Variants in MID1 observed in about 807,000 individuals in gnomAD.
The protein encoded by MID1 is E3 ubiquitin-protein ligase Midline-1.
MID1 carries 7 observed loss-of-function variants against 40.4 expected under a neutral mutation model. The ratio of observed to expected loss-of-function variants is 0.17; its 90% CI spans 0.10 to 0.33. The LOEUF (loss-of-function observed/expected upper bound fraction) is 0.33, where lower values mean the gene tolerates loss of function less well. Ranked by LOEUF, MID1 falls within the 10% of genes least tolerant of loss-of-function variation. The pLI is 1.00. For synonymous variants in MID1, 229 were observed against 221.2 expected (o/e 1.04, Z -0.31); for missense variants, 367 against 558.5 (o/e 0.66, Z 3.46).
At chrX:10,510,806 T>TA (rs1191757957) in intron 3 of MID1, among the ~76,000 whole-genome samples, 1 of 77,318 alleles carries the variant, frequency 1.3e-5, no homozygotes, top group Non-Finnish European at 2.3e-5. Context: ...CACTCCAGCC[T>TA]GGCAACAGAG....
At chrX:10,793,504 C>T (rs1173455054) in intron 1 of MID1, among the ~76,000 whole-genome samples, 2 of 112,126 alleles carry the variant, frequency 1.8e-5, no homozygotes, top group African/African-American at 6.5e-5. Context: ...TTCACAATGT[C>T]GCCATCCCGA....
chrX:10,555,257 C>A lies in MID1; in HGVS notation c.660+11631G>T, dbSNP rs181829543. On this transcript the variant is annotated intron_variant, in intron 2 of 9. Transcript: ENST00000317552. The stretch of plus-strand genomic sequence containing the variant: ...AGTCTTCATATTTTGCCCTTACTTG[C>A]AATTCCAAATGACTGAACAGTGGAA... 4.4e-3 allele frequency among the ~76,000 whole-genome samples: 490 copies of A among 112,127 alleles called. 2 individuals are homozygous for A. Among genetic ancestry groups the A allele is most frequent in the Non-Finnish European group, 7.0e-3 (373 of 53,266 alleles).
intron 2 of MID1, among the ~76,000 whole-genome samples, chrX:10,525,764 T>A (rs908743078): frequency 1.8e-5 from 2 of 112,266 alleles, no homozygotes; most frequent in African/African-American, 6.5e-5. Flanking sequence ...CTGGCTTCAA[T>A]TCCAGAGAAG....
chrX:10,466,016 G>A (rs1337765534), intron 7 of MID1, among the ~76,000 whole-genome samples: 2 of 111,901 alleles, frequency 1.8e-5, no homozygotes, highest in Non-Finnish European at 3.8e-5. Context: ...CCACTCTTTT[G>A]GTATAAAATG....
chrX:10,793,870 T>C (rs190573697), intron 1 of MID1, among the ~76,000 whole-genome samples: 73 of 111,914 alleles, frequency 6.5e-4, no homozygotes, highest in Middle Eastern at 9.2e-3. Context: ...ATTCACTCTA[T>C]TTTAATCCTT....
chrX:10,801,176 T>C (rs1427866479), intron 1 of MID1, among the ~76,000 whole-genome samples: 1 of 111,459 alleles, frequency 9.0e-6, no homozygotes, highest in East Asian at 2.8e-4. Flanking sequence ...CTTTAAAAAG[T>C]AGTCAAAGCT....
At chrX:10,495,933 A>C (rs1322484905) in intron 3 of MID1, among the ~76,000 whole-genome samples, 1 of 112,580 alleles carries the variant, frequency 8.9e-6, no homozygotes, top group Non-Finnish European at 1.9e-5. Context: ...ACTCAGCTGC[A>C]GAATCTTTAA....
intron 5 of MID1, among the ~76,000 whole-genome samples, chrX:10,479,576 C>T (rs1349527154): frequency 5.4e-5 from 6 of 111,367 alleles, no homozygotes; most frequent in Admixed American, 9.6e-5. Flanking sequence ...TTAGATTCCA[C>T]AAATAAGTGA....
chrX:10,482,663 A>G (rs1459443797), intron 4 of MID1, 35 bp from the exon 5 acceptor site: 14 of 1,193,068 alleles, frequency 1.2e-5, no homozygotes, highest in East Asian at 5.9e-5. Context: ...AGATGGTTAC[A>G]TGGGTGGTCT....
intron 3 of MID1, among the ~76,000 whole-genome samples, chrX:10,522,589 C>T (rs1467803241): frequency 8.9e-6 from 1 of 111,902 alleles, no homozygotes; most frequent in Non-Finnish European, 1.9e-5. Flanking sequence ...CTCCGCCTCC[C>T]GGGTTCATGC....
intron 1 of MID1, among the ~76,000 whole-genome samples, chrX:10,618,771 A>G (rs948832171): frequency 3.6e-5 from 4 of 111,869 alleles, no homozygotes. Flanking sequence ...TTGTGTGGGA[A>G]CAGGGATTCT....
In MID1 at chrX:10,772,276, T is replaced by G. The variant is rs1055358728; in HGVS notation, c.-187+61278A>C. Among the ~76,000 whole-genome samples, 5 of 111,422 alleles carry G rather than the reference T, an allele frequency of 4.5e-5. No homozygotes were observed. In the East Asian group the frequency reaches 8.4e-4, roughly 19 times the overall value. ...GCATTTGCAGCAACCTCGATGATAT[T>G]GAAGACCATTATTGTAAGTGAAGTA... On this transcript the variant is annotated intron_variant, in intron 1 of 10. Coordinates refer to the MID1 transcript ENST00000380785.
intron 1 of MID1, among the ~76,000 whole-genome samples, chrX:10,787,483 CT>C (rs1273981307): frequency 1.7e-5 from 1 of 58,387 alleles, no homozygotes; most frequent in East Asian, 5.5e-4. Context: ...TTTGTTTTTT[CT>C]TTTTTTCTTT....
intron 1 of MID1, among the ~76,000 whole-genome samples, chrX:10,790,339 G>A (rs1278063640): frequency 9.2e-6 from 1 of 108,884 alleles, no homozygotes; most frequent in African/African-American, 3.3e-5. Context: ...TGTAGAGATG[G>A]GGTCTCACTA....
chrX:10,819,404 T>C (rs944930192), intron 1 of MID1, among the ~76,000 whole-genome samples: 7 of 112,352 alleles, frequency 6.2e-5, no homozygotes, highest in African/African-American at 2.3e-4. Flanking sequence ...GCATTGCAAT[T>C]GTTAAATTTA....
chrX:10,493,859 T>G lies in MID1; in HGVS notation c.864+1725A>C, dbSNP rs1161302286. ...ATAAACTAATATGTGTACTGAGAGC[T>G]AATCTCTGCATGCAACCATGTAAAG... On this transcript the variant is annotated intron_variant, in intron 4 of 9. Transcript: ENST00000317552. Among the ~76,000 whole-genome samples, 26 of 112,589 alleles carry G rather than the reference T, an allele frequency of 2.3e-4. No individual in the cohort carries two copies. The Admixed American group carries it at 2.4e-3, about 11-fold the overall frequency.
At chrX:10,454,587 G>A (rs1010390633) in intron 9 of MID1, among the ~76,000 whole-genome samples, 1 of 111,712 alleles carries the variant, frequency 9.0e-6, no homozygotes, top group Non-Finnish European at 1.9e-5. Context: ...ATGTTTCATG[G>A]CATGAAAGAG....
intron 4 of MID1, among the ~76,000 whole-genome samples, chrX:10,486,444 C>T (rs907779823): frequency 8.9e-6 from 1 of 111,979 alleles, no homozygotes; most frequent in Non-Finnish European, 1.9e-5. Context: ...CCAAGTCCCC[C>T]AGTGAACCCC....
intron 1 of MID1, among the ~76,000 whole-genome samples, chrX:10,785,823 G>A (rs2043878656): frequency 9.0e-6 from 1 of 111,579 alleles, no homozygotes; most frequent in South Asian, 3.7e-4. Flanking sequence ...AATTCAAGAT[G>A]GATTAAAGAT....
Sources: gnomAD v4.1 joint callset for allele counts (sites outside exome capture counted in the v4.1 genomes callset) on GRCh38, gnomAD v4.1.1 for gene constraint, MANE v1.5 for transcripts, NCBI Gene and HGNC (gene_info 2026-07-23, HGNC 2026-07-21) for gene names.